MYO3A: variants seen among roughly 807,000 people sequenced by gnomAD.
The protein encoded by MYO3A is myosin IIIA, also known as myosin-IIIa.
MYO3A carries 180 observed loss-of-function variants against 192.7 expected under a neutral mutation model. The ratio of observed to expected loss-of-function variants is 0.93; its 90% CI spans 0.83 to 1.06. The LOEUF (loss-of-function observed/expected upper bound fraction) is 1.06, where lower values mean the gene tolerates loss of function less well. MYO3A is among the 50% of genes least tolerant of loss of function. MYO3A has a pLI of 0.00. For missense variants in MYO3A, 1,896 were observed against 1,905.0 expected, an observed-to-expected ratio of 1.00 and a Z score of 0.09; for synonymous variants, 628 against 645.3, an observed-to-expected ratio of 0.97 and a Z score of 0.41.
chr10:25,935,472 AACTAATTGTAC>A (rs1352608095), intron 1 of MYO3A, among the ~76,000 whole-genome samples: 1 of 152,216 alleles, frequency 6.6e-6, no homozygotes, highest in African/African-American at 2.4e-5. Context: ...TTGGTGAATT[AACTAATTGTAC>A]AGGTGCACTT....
intron 4 of MYO3A, among the ~76,000 whole-genome samples, chr10:25,969,547 C>T (rs557288076): frequency 6.6e-6 from 1 of 151,904 alleles, no homozygotes; most frequent in African/African-American, 2.4e-5. Context: ...ATATTGTAAA[C>T]CCTAAAGCAA....
At chr10:25,958,180 G>T (rs979814645) in intron 4 of MYO3A, among the ~76,000 whole-genome samples, 17 of 152,182 alleles carry the variant, frequency 1.1e-4, no homozygotes, top group African/African-American at 4.1e-4. Flanking sequence ...GTCCAGAATG[G>T]ATGGTATTGC....
chr10:25,972,392 T>TA (rs555080860), intron 4 of MYO3A, among the ~76,000 whole-genome samples: 321 of 152,302 alleles, frequency 2.1e-3, no homozygotes, highest in African/African-American at 7.1e-3. Context: ...AACATATTTA[T>TA]ATCTTTGCTT....
intron 10 of MYO3A, among the ~76,000 whole-genome samples, chr10:26,042,757 T>C (rs1843422438): frequency 6.6e-6 from 1 of 152,250 alleles, no homozygotes; most frequent in Admixed American, 6.5e-5. Context: ...AACAACTATT[T>C]TGAATTCTTT....
chr10:26,192,056 A>G (rs1160185684), intron 31 of MYO3A, among the ~76,000 whole-genome samples: 2 of 152,210 alleles, frequency 1.3e-5, no homozygotes, highest in African/African-American at 4.8e-5. Flanking sequence ...TCTTGCGCAA[A>G]CAGAGTCGGT....
intron 11 of MYO3A, among the ~76,000 whole-genome samples, chr10:26,067,513 T>C (rs34834344): frequency 0.47 from 72,138 of 151,988 alleles, 17,932 homozygotes; most frequent in Middle Eastern, 0.59. Context: ...TTTCAGCTCT[T>C]AGTGGCTGTA....
At chr10:26,138,270 A>G (rs185462149) in intron 20 of MYO3A, among the ~76,000 whole-genome samples, 6 of 152,284 alleles carry the variant, frequency 3.9e-5, no homozygotes, top group South Asian at 2.1e-4. Flanking sequence ...ATCTTTATTT[A>G]TCAGCCAGCT....
chr10:26,115,236 G>A lies in MYO3A; in HGVS notation c.1777-5440G>A, dbSNP rs1017643201. Among the ~76,000 whole-genome samples the A allele has an allele frequency of 4.6e-5, 7 of 152,186 alleles. No homozygotes were observed. The East Asian group carries it at 9.6e-4, about 21-fold the overall frequency. On this transcript the variant is annotated intron_variant, in intron 17 of 34. Transcript: ENST00000642920. ...ACAGCCGTGTGGAAGACGGATCGGC[G>A]AGTGGCAAGACCAGAGGCAAGGAGA...
At chr10:26,101,941 C>T (rs183958584) in intron 17 of MYO3A, among the ~76,000 whole-genome samples, 105 of 152,238 alleles carry the variant, frequency 6.9e-4, no homozygotes, top group Admixed American at 6.0e-3. Flanking sequence ...TGAATGTTGT[C>T]CTGCCTTGCT....
At chr10:26,150,346 T>G (rs1334132243) in intron 23 of MYO3A, among the ~76,000 whole-genome samples, 1 of 152,222 alleles carries the variant, frequency 6.6e-6, no homozygotes, top group Non-Finnish European at 1.5e-5. Context: ...GCTGGCCTCA[T>G]AGAATAAATT....
intron 15 of MYO3A, among the ~76,000 whole-genome samples, chr10:26,093,891 T>C (rs1836850290): frequency 6.6e-6 from 1 of 152,202 alleles, no homozygotes; most frequent in South Asian, 2.1e-4. Context: ...ATAGCCCTTT[T>C]CTTTTGGAAT....
chr10:26,139,368 T>C (rs1158156929), intron 20 of MYO3A, among the ~76,000 whole-genome samples: 1 of 151,986 alleles, frequency 6.6e-6, no homozygotes, highest in East Asian at 1.9e-4. Flanking sequence ...GCCTCCCAAG[T>C]AGCTGGGATT....
chr10:26,134,833 G>T (rs1259518329), intron 20 of MYO3A, among the ~76,000 whole-genome samples: 1 of 151,968 alleles, frequency 6.6e-6, no homozygotes, highest in Non-Finnish European at 1.5e-5. Context: ...CTTCTCAATG[G>T]TTTCTCTCTA....
chr10:26,058,734 C>T (rs1018547840), intron 10 of MYO3A, among the ~76,000 whole-genome samples: 5 of 152,086 alleles, frequency 3.3e-5, no homozygotes, highest in Non-Finnish European at 7.4e-5. Flanking sequence ...TGCCAATATC[C>T]ACAAAATAAT....
chr10:26,034,909 G>GT lies in MYO3A; in HGVS notation c.953+8385dup, dbSNP rs894982741. Among the ~76,000 whole-genome samples the GT allele has an allele frequency of 3.9e-4, 58 of 147,230 alleles. No individual in the cohort carries two copies. The South Asian group carries it at 4.0e-3, about 10-fold the overall frequency. On this transcript the variant is annotated intron_variant, in intron 10 of 34. Coordinates refer to ENST00000642920, the MANE Select transcript of MYO3A (RefSeq NM_017433.5). ...CATTTATTTGTTTCTATGTTTTTGT[G>GT]TTTTTTTTACATGAAGCGTGTGTGT...
intron 17 of MYO3A, among the ~76,000 whole-genome samples, chr10:26,115,206 C>A (rs547332836): frequency 6.6e-6 from 1 of 152,176 alleles, no homozygotes; most frequent in East Asian, 1.9e-4. Flanking sequence ...AGAAAAGTCA[C>A]TCTGACAGCC....
intron 4 of MYO3A, among the ~76,000 whole-genome samples, chr10:25,969,482 C>G (rs536358442): frequency 6.6e-6 from 1 of 152,074 alleles, no homozygotes; most frequent in African/African-American, 2.4e-5. Flanking sequence ...ATTAAAGTGT[C>G]TTATATGTGA....
Position 26,157,311 on chromosome 10 carries a change from A to G in MYO3A, c.2795A>G (p.Tyr932Cys). The G allele has an allele frequency of 6.2e-7, 1 of 1,613,908 alleles. No homozygotes were observed. The highest frequency in any genetic ancestry group is 1.1e-5 in the South Asian group (1 of 91,080). Residue 932 changes from tyrosine (Y) to cysteine (C), a missense_variant and splice_region_variant, in exon 26 of 35, where the codon TAT (tyrosine) becomes TGT (cysteine). Physicochemically the swap from Tyr to Cys is radical, Grantham distance 194 (BLOSUM62 -2). Transcript: ENST00000642920. ...ATTTATTTTTGTTGTGTATTATAGT[A>G]TTCCCTGATGGATTTGTTGTCTAAA... ...KTQTVASYFR[Y>C]SLMDLLSKMV...
intron 32 of MYO3A, among the ~76,000 whole-genome samples, chr10:26,194,885 G>A (rs1424781588): frequency 6.6e-6 from 1 of 152,148 alleles, no homozygotes; most frequent in Non-Finnish European, 1.5e-5. Context: ...GGGCATCCAT[G>A]TATACATGTA....
Sources: gnomAD v4.1 joint callset for allele counts (sites outside exome capture counted in the v4.1 genomes callset) on GRCh38, gnomAD v4.1.1 for gene constraint, MANE v1.5 for transcripts, NCBI Gene and HGNC (gene_info 2026-07-23, HGNC 2026-07-21) for gene names.